Variants in NTM observed in about 807,000 individuals in gnomAD.
The protein encoded by NTM is neurotrimin, also known as IgLON family member 2.
NTM carries 13 observed loss-of-function variants against 42.1 expected under a neutral mutation model. The observed-to-expected ratio is 0.31, with a 90% CI of 0.20 to 0.49. The LOEUF (loss-of-function observed/expected upper bound fraction) is 0.49. Among genes scored for constraint, NTM ranks in the 20% least tolerant of loss-of-function variants. The probability of loss-of-function intolerance (pLI) is 0.99; values close to 1 mark genes in which losing one functional copy is unlikely to be tolerated. For missense variants in NTM, 373 were observed against 452.8 expected, an observed-to-expected ratio of 0.82 and a Z score of 1.60; for synonymous variants, 187 against 179.2, an observed-to-expected ratio of 1.04 and a Z score of -0.35.
chr11:132,044,164 GCTTA>G (rs1566016581), intron 2 of NTM, among the ~76,000 whole-genome samples: 2 of 136,916 alleles, frequency 1.5e-5, no homozygotes, highest in African/African-American at 3.0e-5. Flanking sequence ...GTGTGTGTGT[GCTTA>G]TGTGCATGTG....
rs142763178 is a variant in NTM, at chr11:132,237,158, A to G, written c.526+25011A>G. Among the ~76,000 whole-genome samples the G allele has an allele frequency of 4.6e-3, 705 of 152,356 alleles. 5 individuals are homozygous for G. The highest frequency in any genetic ancestry group is 0.016 in the African/African-American group (670 of 41,586). ...GTTTTGGAGCCATTTGCTCCTCAGC[A>G]GTAAACGTCCGGAACATGGGTCCAT... On this transcript the variant is annotated intron_variant, in intron 4 of 8. Transcript: ENST00000683400.
At chr11:132,216,563 C>T (rs1293891758) in intron 4 of NTM, among the ~76,000 whole-genome samples, 2 of 152,194 alleles carry the variant, frequency 1.3e-5, no homozygotes, top group Non-Finnish European at 2.9e-5. Flanking sequence ...GGATATTCAG[C>T]AAAGCCCTGC....
intron 1 of NTM, among the ~76,000 whole-genome samples, chr11:131,582,717 C>T (rs771061898): frequency 6.6e-6 from 1 of 152,138 alleles, no homozygotes; most frequent in Non-Finnish European, 1.5e-5. Flanking sequence ...AGTTAATGCT[C>T]AATAATTGTC....
intron 1 of NTM, among the ~76,000 whole-genome samples, chr11:131,551,918 G>A (rs1448808395): frequency 2.6e-5 from 4 of 152,128 alleles, no homozygotes; most frequent in Non-Finnish European, 4.4e-5. Context: ...GAAAAGAGGC[G>A]CAGACCTCTT....
At chr11:131,976,078 A>G (rs956524077) in intron 2 of NTM, among the ~76,000 whole-genome samples, 2 of 151,000 alleles carry the variant, frequency 1.3e-5, no homozygotes, top group African/African-American at 2.4e-5. Flanking sequence ...GTGCAGTTTG[A>G]TGGTCCTTCC....
intron 2 of NTM, among the ~76,000 whole-genome samples, chr11:132,131,895 C>T (rs1292796977): frequency 6.6e-6 from 1 of 152,082 alleles, no homozygotes; most frequent in Admixed American, 6.5e-5. Flanking sequence ...ATGATTTGAG[C>T]TTGTGGTTGG....
At chr11:131,526,331 G>T (rs184438974) in intron 1 of NTM, among the ~76,000 whole-genome samples, 10 of 152,244 alleles carry the variant, frequency 6.6e-5, no homozygotes, top group African/African-American at 2.4e-4. Flanking sequence ...TTGGGCAGGT[G>T]TGGGTCCACA....
chr11:131,754,706 A>G (rs2083092334), intron 1 of NTM, among the ~76,000 whole-genome samples: 2 of 152,214 alleles, frequency 1.3e-5, no homozygotes, highest in Non-Finnish European at 2.9e-5. Context: ...GACAGATAAA[A>G]TCATATGTCT....
At chr11:132,236,368 A>T (rs924975255) in intron 4 of NTM, among the ~76,000 whole-genome samples, 2 of 152,214 alleles carry the variant, frequency 1.3e-5, no homozygotes, top group African/African-American at 4.8e-5. Flanking sequence ...AATTTTACTT[A>T]GAAGGAAAAC....
chr11:132,085,780 T>C (rs2059626728), intron 2 of NTM, among the ~76,000 whole-genome samples: 1 of 152,158 alleles, frequency 6.6e-6, no homozygotes, highest in Non-Finnish European at 1.5e-5. Context: ...CCTAATTGGA[T>C]TATTGGTCTC....
At chr11:131,856,257 A>G (rs1305625242) in intron 1 of NTM, among the ~76,000 whole-genome samples, 1 of 152,178 alleles carries the variant, frequency 6.6e-6, no homozygotes, top group African/African-American at 2.4e-5. Flanking sequence ...GAGTATGGAA[A>G]TGTCCTTAAA....
intron 1 of NTM, among the ~76,000 whole-genome samples, chr11:131,556,203 C>T (rs2055389211): frequency 6.6e-6 from 1 of 152,104 alleles, no homozygotes; most frequent in Non-Finnish European, 1.5e-5. Context: ...AAATTCTTAT[C>T]CAGTCCCCAA....
At chr11:132,023,154 T>C (rs1339815681) in intron 2 of NTM, among the ~76,000 whole-genome samples, 1 of 152,192 alleles carries the variant, frequency 6.6e-6, no homozygotes, top group Non-Finnish European at 1.5e-5. Context: ...CCATAGACCC[T>C]AGTCACGTGC....
At chr11:131,899,481 A>C (rs2052795016) in intron 1 of NTM, among the ~76,000 whole-genome samples, 2 of 152,220 alleles carry the variant, frequency 1.3e-5, no homozygotes, top group African/African-American at 4.8e-5. Flanking sequence ...ATCCCCAGCC[A>C]GGCAGAAAAT....
chr11:132,096,973 C>T (rs1028610129), intron 2 of NTM, among the ~76,000 whole-genome samples: 3 of 152,242 alleles, frequency 2.0e-5, no homozygotes, highest in South Asian at 4.1e-4. Context: ...ATAGTAGGCA[C>T]TAAATAAATT....
At chr11:131,719,021 C>T (rs1351434089) in intron 1 of NTM, among the ~76,000 whole-genome samples, 1 of 152,124 alleles carries the variant, frequency 6.6e-6, no homozygotes, top group African/African-American at 2.4e-5. Context: ...GTCATCTTCC[C>T]AGCTCAGCCT....
chr11:132,105,830 G>A (rs545629266), intron 2 of NTM, among the ~76,000 whole-genome samples: 23 of 152,230 alleles, frequency 1.5e-4, no homozygotes, highest in East Asian at 7.7e-4. Flanking sequence ...CATCTTCTCC[G>A]TTTTAACCTA....
chr11:131,601,312 A>G (rs2137422598), intron 1 of NTM, among the ~76,000 whole-genome samples: 1 of 152,356 alleles, frequency 6.6e-6, no homozygotes, highest in South Asian at 2.1e-4. Context: ...TCACAGTCCC[A>G]GTCTCTTCCC....
At chr11:131,637,817 C>T (rs892701401) in intron 1 of NTM, among the ~76,000 whole-genome samples, 4 of 151,986 alleles carry the variant, frequency 2.6e-5, no homozygotes, top group East Asian at 1.9e-4. Flanking sequence ...GAAGGTATCT[C>T]GCAGAGATGT....
Sources: gnomAD v4.1 joint callset for allele counts (sites outside exome capture counted in the v4.1 genomes callset) on GRCh38, gnomAD v4.1.1 for gene constraint, MANE v1.5 for transcripts, NCBI Gene and HGNC (gene_info 2026-07-23, HGNC 2026-07-21) for gene names.